The following SLCO3A1 variants were observed in gnomAD, a reference collection of about 807,000 sequenced individuals.
SLCO3A1 encodes PGE1 transporter.
Under a neutral mutation model 63.1 loss-of-function variants are expected in SLCO3A1, and 27 were observed. The ratio of observed to expected loss-of-function variants is 0.43; its 90% CI spans 0.32 to 0.59. The LOEUF (loss-of-function observed/expected upper bound fraction) is 0.59, where lower values mean the gene tolerates loss of function less well. Ranked by LOEUF, SLCO3A1 falls within the 20% of genes least tolerant of loss-of-function variation. The pLI is 0.09. For missense variants in SLCO3A1, 773 were observed against 945.8 expected (o/e 0.82, Z 2.40); for synonymous variants, 473 against 409.9 (o/e 1.15, Z -1.86).
intron 9 of SLCO3A1, among the ~76,000 whole-genome samples, chr15:92,156,822 C>T (rs1299240140): frequency 3.3e-5 from 5 of 152,090 alleles, no homozygotes; most frequent in Non-Finnish European, 7.4e-5. Flanking sequence ...TGTAAGTGGC[C>T]GTAATTTTCA....
rs566291511 is a variant in SLCO3A1, at chr15:91,900,915, G to A, written c.181-15078G>A. On this transcript the variant is annotated intron_variant, in intron 1 of 9. Coordinates refer to ENST00000318445, the MANE Select transcript of SLCO3A1 (RefSeq NM_013272.4). The surrounding 1 kb of genome is among the most constrained non-coding windows in gnomAD (Gnocchi z 4.3). ...CATTGTTTTATCAATTATTGAGAGG[G>A]ATATTAACTTCTCCAAATATTATTG... is the stretch of plus-strand genomic sequence containing the variant. Among the ~76,000 whole-genome samples, 1 of 152,188 alleles carries A rather than the reference G, an allele frequency of 6.6e-6. No homozygotes were observed. The highest frequency in any genetic ancestry group is 1.9e-4 in the East Asian group (1 of 5,186).
Position 91,916,182 on chromosome 15 carries a change from G to T in SLCO3A1, c.370G>T (p.Ala124Ser). Residue 124 changes from alanine (A) to serine (S), a missense_variant, in exon 2 of 10, where the codon GCG becomes TCG. Physicochemically the swap from Ala to Ser is moderately conservative, Grantham distance 99. Around this residue, in one of 3 missense-constraint regions of SLCO3A1, gnomAD observed 565 missense variants for 749.8 expected, o/e 0.75. Coordinates refer to ENST00000318445, the MANE Select transcript of SLCO3A1 (RefSeq NM_013272.4). This position sits in a 1 kb window ranked among gnomAD's most constrained non-coding sequence, Gnocchi z 6.2. The part of the protein sequence containing the change: ...IVMALGALLS[A>S]LPEFLTHQYK... ...CATGGCGCTGGGCGCGCTGCTGTCG[G>T]CGCTGCCCGAGTTCCTGACCCACCA... 3 of 1,599,078 alleles carry T rather than the reference G, an allele frequency of 1.9e-6. No individual in the cohort carries two copies. Among genetic ancestry groups the T allele is most frequent in the Non-Finnish European group, 2.6e-6 (3 of 1,175,416 alleles).
At chr15:92,021,335 A>T (rs2046506939) in intron 2 of SLCO3A1, among the ~76,000 whole-genome samples, 1 of 152,228 alleles carries the variant, frequency 6.6e-6, no homozygotes, top group Non-Finnish European at 1.5e-5. Flanking sequence ...ACCATTTATC[A>T]AACCATCTTT....
chr15:91,880,098 T>TATCTGTCC, intron 1 of SLCO3A1, among the ~76,000 whole-genome samples: 1 of 97,858 alleles, frequency 1.0e-5, no homozygotes, highest in East Asian at 4.2e-4. Context: ...CTTGTATGTG[T>TATCTGTCC]GTCCGTCCGT....
chr15:91,963,298 C>T (rs562595290), intron 2 of SLCO3A1, among the ~76,000 whole-genome samples: 8 of 151,560 alleles, frequency 5.3e-5, no homozygotes, highest in African/African-American at 1.9e-4. Flanking sequence ...TATTTAACTT[C>T]ACCAGTCAGT....
intron 2 of SLCO3A1, among the ~76,000 whole-genome samples, chr15:92,029,323 C>T (rs2046616884): frequency 6.6e-6 from 1 of 152,198 alleles, no homozygotes; most frequent in African/African-American, 2.4e-5. Context: ...TTTGCCTTCC[C>T]AGCCAGGCTC....
chr15:92,051,182 C>G (rs2046952758), intron 2 of SLCO3A1, among the ~76,000 whole-genome samples: 1 of 152,118 alleles, frequency 6.6e-6, no homozygotes, highest in Non-Finnish European at 1.5e-5. Flanking sequence ...TCAGGGTCCA[C>G]AGTGAGGTGA....
At chr15:92,143,419 T>A (rs1391762649) in intron 7 of SLCO3A1, among the ~76,000 whole-genome samples, 31 of 694 alleles carry the variant, frequency 0.045, 5 homozygotes, top group African/African-American at 0.087. Context: ...ATATATATAT[T>A]ATATATATAT....
intron 2 of SLCO3A1, among the ~76,000 whole-genome samples, chr15:91,997,513 A>G (rs951353432): frequency 5.3e-5 from 8 of 152,236 alleles, no homozygotes; most frequent in Admixed American, 5.2e-4. Context: ...CTATTCTAAA[A>G]TTTATATGGA....
chr15:92,142,828 A>T (rs1027832266), intron 7 of SLCO3A1, among the ~76,000 whole-genome samples: 4 of 152,140 alleles, frequency 2.6e-5, no homozygotes, highest in African/African-American at 9.7e-5. Flanking sequence ...GGAGGGATTT[A>T]ACACTTTTTA....
rs138154055 is a variant in SLCO3A1 at position 91,941,383 on chromosome 15, G to C, written c.646+24925G>C. 4.8e-5 allele frequency: 18 copies of C among 374,008 alleles called. 1 individual carries two copies. In the East Asian group the frequency reaches 1.2e-3, roughly 26 times the overall value. 23.2% of individuals were successfully genotyped at this position (374,008 alleles called of 1,614,324 possible). A position where few individuals can be genotyped will look rare whatever the true frequency, so the allele number is the denominator to read the frequency against. ...ACCTGAGATTCCCTGGGAGGCTGTGGGGTCTGCCACCCAGCAGATCTGTGT... is the reference window on the plus strand; with the variant it reads ...ACCTGAGATTCCCTGGGAGGCTGTGCGGTCTGCCACCCAGCAGATCTGTGT... On this transcript the variant is annotated intron_variant, in intron 2 of 9. Coordinates refer to ENST00000318445, the MANE Select transcript of SLCO3A1 (RefSeq NM_013272.4). The surrounding 1 kb of genome is among the most constrained non-coding windows in gnomAD (Gnocchi z 4.4).
intron 1 of SLCO3A1, among the ~76,000 whole-genome samples, chr15:91,902,241 GGCTGTAGT>G (rs1321234036): frequency 5.3e-5 from 8 of 151,808 alleles, no homozygotes; most frequent in Non-Finnish European, 1.2e-4. Context: ...GTGTCACCCA[GGCTGTAGT>G]GCAGTGACAT....
At chr15:92,150,767 G>GTTAT (rs2048294324) in intron 8 of SLCO3A1, among the ~76,000 whole-genome samples, 183 bp from the exon 9 acceptor site, 3 of 150,868 alleles carry the variant, frequency 2.0e-5, no homozygotes, top group Admixed American at 2.0e-4. Flanking sequence ...CACAGTTGCA[G>GTTAT]TTATTTTTCA....
chr15:91,899,738 A>G (rs1305143347), intron 1 of SLCO3A1, among the ~76,000 whole-genome samples: 1 of 152,222 alleles, frequency 6.6e-6, no homozygotes, highest in African/African-American at 2.4e-5. Context: ...CCTTCCAGAA[A>G]GTTGCTGATG....
At chr15:92,120,762 CTG>C (rs1183540192) in intron 5 of SLCO3A1, 133 bp downstream of exon 5, 34 of 714,178 alleles carry the variant, frequency 4.8e-5, no homozygotes, top group Non-Finnish European at 7.9e-5. Context: ...TATGTGGCCT[CTG>C]TGCACAAGGA....
chr15:91,980,278 G>A (rs887865325), intron 2 of SLCO3A1, among the ~76,000 whole-genome samples: 17 of 152,068 alleles, frequency 1.1e-4, no homozygotes, highest in African/African-American at 3.9e-4. Context: ...TTATTCATTC[G>A]CTTCAAATTT....
Position 92,163,918 on chromosome 15 carries a change from G to A in SLCO3A1, c.*783G>A. 1.0e-6 allele frequency: 1 copy of A among 985,570 alleles called. No homozygotes were observed. Among genetic ancestry groups the A allele is most frequent in the Non-Finnish European group, 1.2e-6 (1 of 830,018 alleles). The allele number at this position is 985,570 out of a possible 1,614,324, so 61.1% of individuals were successfully genotyped here. ...ATCCACCTTCCCCCAGCCCCACAGA[G>A]TGACCTCAGGAAGCAGTAGGCCTCG... On this transcript the variant is annotated 3_prime_UTR_variant, in exon 10 of 10. Transcript: ENST00000318445.
At position 91,967,310 on chromosome 15, in the gene SLCO3A1, CAG is replaced by C. The variant is rs912551897; in HGVS notation, c.646+50857_646+50858del. ...CATGTTGCAGAGGTATAAGAGGAAG[CAG>C]AGAGTACTGTTTTCTAGATTAACTG... On this transcript the variant is annotated intron_variant, in intron 2 of 9. Transcript: ENST00000318445. This position sits in a 1 kb window ranked among gnomAD's most constrained non-coding sequence, Gnocchi z 4.4. 2.0e-5 allele frequency among the ~76,000 whole-genome samples: 3 copies of C among 152,120 alleles called. No individual in the cohort carries two copies. The highest frequency in any genetic ancestry group is 7.2e-5 in the African/African-American group (3 of 41,424).
chr15:91,965,116 T>C (rs1900610426), intron 2 of SLCO3A1, among the ~76,000 whole-genome samples: 1 of 151,552 alleles, frequency 6.6e-6, no homozygotes, highest in Non-Finnish European at 1.5e-5. Context: ...GATTAGGGTT[T>C]TTAGAATCTG....
Sources: gnomAD v4.1 joint callset for allele counts (sites outside exome capture counted in the v4.1 genomes callset) on GRCh38, gnomAD v4.1.1 for gene constraint, gnomAD v4.1.1 regional missense constraint, Gnocchi (gnomAD v3.1) non-coding constraint, MANE v1.5 for transcripts, NCBI Gene and HGNC (gene_info 2026-07-23, HGNC 2026-07-21) for gene names.